CDK5RAP2: variants seen among roughly 807,000 people sequenced by gnomAD.
The protein encoded by CDK5RAP2 is CDK5 regulatory subunit associated protein 2.
CDK5RAP2 carries 147 observed loss-of-function variants against 232.9 expected under a neutral mutation model. The observed-to-expected ratio is 0.63, with a 90% CI of 0.55 to 0.72. The LOEUF (loss-of-function observed/expected upper bound fraction) is 0.72. Ranked by LOEUF, CDK5RAP2 falls within the 30% of genes least tolerant of loss-of-function variation. The pLI is 0.00. For synonymous variants in CDK5RAP2, 833 were observed against 833.7 expected (o/e 1.00, Z 0.01); for missense variants, 2,195 against 2,231.5 (o/e 0.98, Z 0.33).
At chr9:120,477,579 G>A in intron 14 of CDK5RAP2, 129 bp from the exon 15 acceptor site, 3 of 753,432 alleles carry the variant, frequency 4.0e-6, no homozygotes, top group East Asian at 2.6e-5. Flanking sequence ...CCCTGTGCCT[G>A]GCTCTGGCTC....
At chr9:120,418,083 C>T (rs1336418973) in intron 27 of CDK5RAP2, among the ~76,000 whole-genome samples, 1 of 152,164 alleles carries the variant, frequency 6.6e-6, no homozygotes, top group Non-Finnish European at 1.5e-5. Flanking sequence ...AATTATCTCT[C>T]TACCGAATCA....
intron 36 of CDK5RAP2, among the ~76,000 whole-genome samples, chr9:120,391,773 G>C (rs894909036): frequency 6.6e-6 from 1 of 152,210 alleles, no homozygotes; most frequent in African/African-American, 2.4e-5. Context: ...TCACCATGAG[G>C]GGACGGAGGA....
In CDK5RAP2 at chr9:120,454,238, G is replaced by C. The variant is rs370530211; in HGVS notation, c.2376-365C>G. Among the ~76,000 whole-genome samples, 9 of 152,190 alleles carry C rather than the reference G, an allele frequency of 5.9e-5. No individual in the cohort carries two copies. The South Asian group carries it at 1.7e-3, about 28-fold the overall frequency. On this transcript the variant is annotated intron_variant, in intron 20 of 37. Coordinates refer to ENST00000349780, the MANE Select transcript of CDK5RAP2 (RefSeq NM_018249.6). Reference sequence around the variant, plus strand: ...ACAGGGTCCTCCCTGACTCTACCCCGCCAGCCAACCTCCTGGCCCTGGCCC... The same window carrying C: ...ACAGGGTCCTCCCTGACTCTACCCCCCCAGCCAACCTCCTGGCCCTGGCCC...
intron 28 of CDK5RAP2, among the ~76,000 whole-genome samples, chr9:120,412,910 A>G (rs1014983222): frequency 6.6e-6 from 1 of 150,798 alleles, no homozygotes; most frequent in African/African-American, 2.4e-5. Context: ...ATCTTCCTCC[A>G]CTCTCCCCTG....
chr9:120,403,681 T>G lies in CDK5RAP2; in HGVS notation c.5041+355A>C. 2.7e-6 allele frequency: 1 copy of G among 373,282 alleles called. No homozygotes were observed. The highest frequency in any genetic ancestry group is 5.1e-6 in the Non-Finnish European group (1 of 197,258). The allele number at this position is 373,282 out of a possible 1,614,324, so 23.1% of individuals were successfully genotyped here. A position where few individuals can be genotyped will look rare whatever the true frequency, so the allele number is the denominator to read the frequency against. On this transcript the variant is annotated intron_variant, in intron 33 of 37. Transcript: ENST00000349780. This position sits in a 1 kb window ranked among gnomAD's most constrained non-coding sequence, Gnocchi z 4.2. ...TCTAAAAGTCACAGTGAGAGGAAAG[T>G]GTGGGCCTGTCTGCAGGATGGTGAC...
chr9:120,555,828 GA>G (rs1437240675), intron 3 of CDK5RAP2, among the ~76,000 whole-genome samples: 2 of 152,182 alleles, frequency 1.3e-5, no homozygotes, highest in African/African-American at 2.4e-5. Flanking sequence ...AGGGTGAATG[GA>G]TAAACAGTAG....
At chr9:120,442,097 A>T (rs943304674) in intron 23 of CDK5RAP2, among the ~76,000 whole-genome samples, 3 of 152,206 alleles carry the variant, frequency 2.0e-5, no homozygotes, top group African/African-American at 7.2e-5. Flanking sequence ...ATGGAAATAA[A>T]GATTAGTTCC....
At chr9:120,468,082 A>G (rs2037486178) in intron 17 of CDK5RAP2, 85 bp from the exon 18 acceptor site, 8 of 1,372,308 alleles carry the variant, frequency 5.8e-6, no homozygotes, top group Non-Finnish European at 8.3e-6. Context: ...AGCCCTATCA[A>G]GCGACTCTTT....
intron 5 of CDK5RAP2, among the ~76,000 whole-genome samples, chr9:120,543,890 A>G (rs1333197955): frequency 6.6e-6 from 1 of 152,120 alleles, no homozygotes; most frequent in African/African-American, 2.4e-5. Flanking sequence ...TCCCCTACCT[A>G]TAAATTCTCA....
At chr9:120,398,859 A>G (rs1394372257) in intron 35 of CDK5RAP2, among the ~76,000 whole-genome samples, 1 of 152,220 alleles carries the variant, frequency 6.6e-6, no homozygotes, top group Non-Finnish European at 1.5e-5. Flanking sequence ...AATTAATAAC[A>G]CTCAAGAGAA....
chr9:120,465,025 C>T (rs541153660), intron 18 of CDK5RAP2, among the ~76,000 whole-genome samples: 1 of 152,314 alleles, frequency 6.6e-6, no homozygotes, highest in African/African-American at 2.4e-5. Flanking sequence ...ACATGACAGC[C>T]CTACAAATAT....
At chr9:120,418,371 AG>A (rs2034363273) in intron 27 of CDK5RAP2, among the ~76,000 whole-genome samples, 1 of 152,254 alleles carries the variant, frequency 6.6e-6, no homozygotes, top group Non-Finnish European at 1.5e-5. Flanking sequence ...GAGGGAGCAG[AG>A]GGAACTGCCT....
intron 4 of CDK5RAP2, among the ~76,000 whole-genome samples, chr9:120,547,476 T>C (rs2041891116): frequency 6.6e-6 from 1 of 151,984 alleles, no homozygotes; most frequent in African/African-American, 2.4e-5. Flanking sequence ...TGGTGGCACA[T>C]GCCTGTAGTC....
At position 120,447,978 on chromosome 9, in the gene CDK5RAP2, C is replaced by A. The variant is rs200190711; in HGVS notation, c.2942G>T (p.Cys981Phe). Residue 981 changes from cysteine (C) to phenylalanine (F), a missense_variant, in exon 22 of 38, where the codon TGT becomes TTT. Coordinates refer to ENST00000349780, the MANE Select transcript of CDK5RAP2 (RefSeq NM_018249.6). ...LQGELKEFKT[C>F]NKQLHQKLIL... The stretch of plus-strand genomic sequence containing the variant: ...TAACTTTTGGTGAAGTTGCTTATTA[C>A]AAGTTTTAAACTCCTTCAGCTCCCC... The A allele has an allele frequency of 3.1e-6, 5 of 1,614,176 alleles. No individual in the cohort carries two copies. Among genetic ancestry groups the A allele is most frequent in the Non-Finnish European group, 4.2e-6 (5 of 1,180,028 alleles).
intron 12 of CDK5RAP2, among the ~76,000 whole-genome samples, chr9:120,518,210 T>TGTGACA (rs1554770753): frequency 4.6e-5 from 2 of 43,934 alleles, no homozygotes; most frequent in Non-Finnish European, 9.8e-5. Context: ...TGTGTGTGTG[T>TGTGACA]GAGAGAGAGA....
At position 120,403,034 on chromosome 9, in the gene CDK5RAP2, G is replaced by C; in HGVS notation, c.5079C>G (p.Asp1693Glu). 1 of 1,614,188 alleles carries C rather than the reference G, an allele frequency of 6.2e-7. No individual in the cohort carries two copies. The highest frequency in any genetic ancestry group is 2.2e-5 in the East Asian group (1 of 44,888). ...AACTGCCACTGTCGCAGGAGAGGGA[G>C]TCCGTGTCATTCCCAGAGAGTGGAG... is the stretch of plus-strand genomic sequence containing the variant. ...ETPPLSGNDTDSLSCDSGSSA... is the reference protein window; with the variant it reads ...ETPPLSGNDTESLSCDSGSSA... The change falls in exon 34 of 38, where the codon GAC (aspartate) becomes GAG (glutamate). Residue 1693 changes from aspartate to glutamate, a missense_variant. Asp to Glu is a conservative substitution (Grantham distance 45). Transcript: ENST00000349780. This position sits in a 1 kb window ranked among gnomAD's most constrained non-coding sequence, Gnocchi z 4.2.
At chr9:120,447,782 A>T in intron 22 of CDK5RAP2, 113 bp downstream of exon 22, 1 of 839,690 alleles carries the variant, frequency 1.2e-6, no homozygotes, top group Non-Finnish European at 2.1e-6. Flanking sequence ...ACTGCAATTC[A>T]TGAAATTTAT....
At chr9:120,476,594 G>A (rs1205718551) in intron 15 of CDK5RAP2, among the ~76,000 whole-genome samples, 6 of 151,290 alleles carry the variant, frequency 4.0e-5, no homozygotes, top group Middle Eastern at 3.4e-3. Context: ...CAGGAGAATC[G>A]CTTGAACCCG....
At chr9:120,433,995 G>A (rs1473842198) in intron 25 of CDK5RAP2, among the ~76,000 whole-genome samples, 10 of 152,196 alleles carry the variant, frequency 6.6e-5, no homozygotes, top group Non-Finnish European at 1.3e-4. Flanking sequence ...CACCCTTGTA[G>A]GGCTTACTTT....
Sources: gnomAD v4.1 joint callset for allele counts (sites outside exome capture counted in the v4.1 genomes callset) on GRCh38, gnomAD v4.1.1 for gene constraint, Gnocchi (gnomAD v3.1) non-coding constraint, MANE v1.5 for transcripts, NCBI Gene and HGNC (gene_info 2026-07-23, HGNC 2026-07-21) for gene names.